The following AGBL1 variants were observed in gnomAD, a reference collection of about 807,000 sequenced individuals.
AGBL1 encodes the protein cytosolic carboxypeptidase 4.
AGBL1 carries 130 observed loss-of-function variants against 118.9 expected under a neutral mutation model. The ratio of observed to expected loss-of-function variants is 1.09; its 90% CI spans 0.95 to 1.26. AGBL1 has a LOEUF of 1.26. AGBL1 is among the 50% of genes most tolerant of loss of function. The pLI is 0.00. For synonymous variants in AGBL1, 555 were observed against 478.9 expected, an observed-to-expected ratio of 1.16 and a Z score of -2.08; for missense variants, 1,584 against 1,298.1, an observed-to-expected ratio of 1.22 and a Z score of -3.38.
chr15:86,212,951 A>C (rs186607891), intron 5 of AGBL1, among the ~76,000 whole-genome samples: 3 of 152,296 alleles, frequency 2.0e-5, no homozygotes, highest in African/African-American at 7.2e-5. Flanking sequence ...TACCTGGACG[A>C]CAGTTTTATT....
At chr15:86,600,319 G>A (rs1228155874) in intron 21 of AGBL1, among the ~76,000 whole-genome samples, 1 of 152,128 alleles carries the variant, frequency 6.6e-6, no homozygotes, top group Non-Finnish European at 1.5e-5. Flanking sequence ...TTTCTCCACT[G>A]TGCACTAAAC....
At chr15:86,899,145 C>T (rs931281607) in intron 22 of AGBL1, among the ~76,000 whole-genome samples, 28 of 152,060 alleles carry the variant, frequency 1.8e-4, no homozygotes, top group African/African-American at 6.8e-4. Context: ...ATTTAAATGC[C>T]CATCGATGAT....
At chr15:86,935,650 G>T (rs1008057394) in intron 23 of AGBL1, among the ~76,000 whole-genome samples, 3 of 152,164 alleles carry the variant, frequency 2.0e-5, no homozygotes, top group Non-Finnish European at 4.4e-5. Context: ...GTGGCTCTGT[G>T]ATAAGAGAGT....
chr15:86,673,041 TAATA>T (rs1239077012), intron 21 of AGBL1, among the ~76,000 whole-genome samples: 1 of 152,190 alleles, frequency 6.6e-6, no homozygotes, highest in Non-Finnish European at 1.5e-5. Flanking sequence ...CTGTCCTCCA[TAATA>T]AATCATTATT....
At chr15:86,366,622 C>T (rs1386816670) in intron 17 of AGBL1, among the ~76,000 whole-genome samples, 3 of 152,124 alleles carry the variant, frequency 2.0e-5, no homozygotes, top group African/African-American at 7.2e-5. Flanking sequence ...AGACATCTTG[C>T]CCGTTCTTAT....
chr15:86,219,766 C>T (rs371885944), intron 5 of AGBL1, among the ~76,000 whole-genome samples: 14 of 152,142 alleles, frequency 9.2e-5, no homozygotes, highest in Non-Finnish European at 1.8e-4. Flanking sequence ...TGTATGAATC[C>T]TCTGACCTTG....
intron 5 of AGBL1, among the ~76,000 whole-genome samples, chr15:86,190,307 A>T (rs975590045): frequency 2.0e-5 from 3 of 152,200 alleles, no homozygotes; most frequent in South Asian, 2.1e-4. Context: ...TTTCTCACAT[A>T]TATTTGTTTA....
chr15:86,888,158 A>G (rs1183842991), intron 22 of AGBL1, among the ~76,000 whole-genome samples: 3 of 152,044 alleles, frequency 2.0e-5, no homozygotes, highest in African/African-American at 7.2e-5. Flanking sequence ...CAGCAGGGAA[A>G]CGAGAACTAC....
intron 21 of AGBL1, among the ~76,000 whole-genome samples, chr15:86,626,629 G>C (rs1470446057): frequency 6.6e-6 from 1 of 152,040 alleles, no homozygotes; most frequent in Non-Finnish European, 1.5e-5. Context: ...TAACAAACCT[G>C]CATGCATACC....
intron 22 of AGBL1, among the ~76,000 whole-genome samples, chr15:86,897,861 C>A (rs1476788916): frequency 6.7e-6 from 1 of 149,366 alleles, no homozygotes; most frequent in African/African-American, 2.5e-5. Context: ...TTTCGACCTC[C>A]TGGGCTCAGG....
rs536039503 is a variant in AGBL1 at position 86,490,398 on chromosome 15, G to A, written c.2556-32412G>A. On this transcript the variant is annotated intron_variant, in intron 18 of 22. Coordinates refer to ENST00000614907, the MANE Select transcript of AGBL1 (RefSeq NM_001386094.1). ...TGAATCCATTTGTAAACCTCTGCTC[G>A]TTAGAACGAAAGGTTCCTCTTGTTT... is the stretch of plus-strand genomic sequence containing the variant. Among the ~76,000 whole-genome samples the A allele has an allele frequency of 1.9e-3, 296 of 152,158 alleles. 8 individuals carry two copies. In the South Asian group the frequency reaches 0.054, roughly 28 times the overall value.
chr15:86,636,234 C>G (rs1048783295), intron 21 of AGBL1, among the ~76,000 whole-genome samples: 1 of 152,036 alleles, frequency 6.6e-6, no homozygotes, highest in African/African-American at 2.4e-5. Context: ...CAGTAGGGCC[C>G]TGGAAGGAGC....
intron 22 of AGBL1, among the ~76,000 whole-genome samples, chr15:86,815,763 C>T (rs907821422): frequency 2.6e-5 from 4 of 152,074 alleles, no homozygotes; most frequent in Admixed American, 6.6e-5. Flanking sequence ...CACTCTATCC[C>T]CGTCCTCTCC....
At chr15:86,895,564 G>C (rs1235206662) in intron 22 of AGBL1, among the ~76,000 whole-genome samples, 1 of 151,994 alleles carries the variant, frequency 6.6e-6, no homozygotes, top group Admixed American at 6.6e-5. Flanking sequence ...TAGAATTGCA[G>C]TTTGGGGTTC....
intron 22 of AGBL1, among the ~76,000 whole-genome samples, chr15:86,755,638 T>A (rs2077926995): frequency 6.6e-6 from 1 of 152,150 alleles, no homozygotes; most frequent in Non-Finnish European, 1.5e-5. Context: ...CCGCTCTATC[T>A]TACTTTTGTG....
intron 22 of AGBL1, among the ~76,000 whole-genome samples, chr15:86,787,418 C>G (rs551087049): frequency 6.6e-6 from 1 of 152,276 alleles, no homozygotes; most frequent in South Asian, 2.1e-4. Context: ...TCTATATCCT[C>G]TCATTTTCCT....
intron 17 of AGBL1, among the ~76,000 whole-genome samples, chr15:86,350,159 G>A (rs575858181): frequency 6.6e-6 from 1 of 152,280 alleles, no homozygotes; most frequent in South Asian, 2.1e-4. Flanking sequence ...TTAACACTGT[G>A]CACCTCCTGT....
At position 86,831,836 on chromosome 15, in the gene AGBL1, C is replaced by T. The variant is rs546588642; in HGVS notation, c.3159-75251C>T. ...GTGGGGAAATCTGTGTGGGGGCTTGCACCCCACATCTCCCTTTTGCACTAC... is the reference window on the plus strand; with the variant it reads ...GTGGGGAAATCTGTGTGGGGGCTTGTACCCCACATCTCCCTTTTGCACTAC... On this transcript the variant is annotated intron_variant, in intron 22 of 22. Transcript: ENST00000614907. Among the ~76,000 whole-genome samples the T allele has an allele frequency of 1.1e-4, 16 of 152,332 alleles. No individual in the cohort carries two copies. In the East Asian group the frequency reaches 2.5e-3, roughly 24 times the overall value.
chr15:86,945,384 C>A (rs1042682818), intron 23 of AGBL1, among the ~76,000 whole-genome samples: 5 of 151,764 alleles, frequency 3.3e-5, no homozygotes, highest in African/African-American at 1.2e-4. Flanking sequence ...TAGTAAAAAA[C>A]CAGCCGGGCA....
Sources: gnomAD v4.1 joint callset for allele counts (sites outside exome capture counted in the v4.1 genomes callset) on GRCh38, gnomAD v4.1.1 for gene constraint, MANE v1.5 for transcripts, NCBI Gene and HGNC (gene_info 2026-07-23, HGNC 2026-07-21) for gene names.